Variants in MAGI1 observed in about 807,000 individuals in gnomAD.
MAGI1 encodes membrane-associated guanylate kinase, WW and PDZ domain-containing protein 1.
In MAGI1, 58 loss-of-function variants were observed where a neutral mutation model predicts 139.9. The observed-to-expected ratio is 0.41, with a 90% confidence interval of 0.34 to 0.52. The LOEUF is 0.52. Among genes scored for constraint, MAGI1 ranks in the 20% least tolerant of loss-of-function variants. MAGI1 has a pLI of 0.12. For synonymous variants in MAGI1, 812 were observed against 737.9 expected, an observed-to-expected ratio of 1.10 and a Z score of -1.63; for missense variants, 1,874 against 1,901.6, an observed-to-expected ratio of 0.99 and a Z score of 0.27.
chr3:65,502,334 T>C (rs1326142401), intron 2 of MAGI1, among the ~76,000 whole-genome samples: 3 of 152,166 alleles, frequency 2.0e-5, no homozygotes, highest in Non-Finnish European at 4.4e-5. Flanking sequence ...CAAAAGGGGA[T>C]TGACAAACAT....
intron 1 of MAGI1, among the ~76,000 whole-genome samples, chr3:65,855,770 C>T (rs1014409450): frequency 6.6e-6 from 1 of 151,240 alleles, no homozygotes; most frequent in East Asian, 2.0e-4. Flanking sequence ...GCCCATTAAC[C>T]CCCATAGATA....
At chr3:65,963,661 G>A (rs1481868843) in intron 1 of MAGI1, among the ~76,000 whole-genome samples, 5 of 152,004 alleles carry the variant, frequency 3.3e-5, no homozygotes, top group Non-Finnish European at 5.9e-5. Context: ...ATGTAGGATG[G>A]GCAGTTTGTA....
intron 1 of MAGI1, among the ~76,000 whole-genome samples, chr3:65,642,906 A>C (rs1159485324): frequency 6.6e-6 from 1 of 152,190 alleles, no homozygotes; most frequent in East Asian, 1.9e-4. Flanking sequence ...TGAGGGTCTA[A>C]TGTTTTGAGT....
intron 1 of MAGI1, among the ~76,000 whole-genome samples, chr3:65,686,023 G>T (rs936255514): frequency 1.3e-5 from 2 of 151,888 alleles, no homozygotes; most frequent in Non-Finnish European, 2.9e-5. Flanking sequence ...TTCCCCAATT[G>T]CTAGGGAAAC....
chr3:65,752,535 A>G (rs1349231724), intron 1 of MAGI1, among the ~76,000 whole-genome samples: 5 of 152,242 alleles, frequency 3.3e-5, no homozygotes, highest in South Asian at 2.1e-4. Flanking sequence ...AATTACATCT[A>G]TAATCTCAGA....
intron 12 of MAGI1, among the ~76,000 whole-genome samples, chr3:65,425,222 C>A (rs1165063046): frequency 2.0e-5 from 3 of 151,736 alleles, no homozygotes; most frequent in African/African-American, 4.8e-5. Flanking sequence ...TGCTTCCCCA[C>A]CCAATTGCCA....
intron 2 of MAGI1, among the ~76,000 whole-genome samples, chr3:65,503,026 C>G (rs577211952): frequency 1.3e-5 from 2 of 152,110 alleles, no homozygotes; most frequent in Admixed American, 1.3e-4. Context: ...AAATGTGACT[C>G]AAATTGTTAG....
intron 1 of MAGI1, among the ~76,000 whole-genome samples, chr3:65,903,224 G>A (rs1374104232): frequency 1.3e-5 from 2 of 152,210 alleles, no homozygotes; most frequent in East Asian, 1.9e-4. Flanking sequence ...GAACTCCTGG[G>A]CTCAAACGAT....
intron 3 of MAGI1, among the ~76,000 whole-genome samples, chr3:65,486,986 C>T (rs951866683): frequency 2.6e-5 from 4 of 152,208 alleles, no homozygotes; most frequent in Admixed American, 1.3e-4. Flanking sequence ...ATAACCAATA[C>T]ATTAACAAAT....
At chr3:65,604,029 GATAC>G (rs2082612880) in intron 2 of MAGI1, among the ~76,000 whole-genome samples, 3 of 152,138 alleles carry the variant, frequency 2.0e-5, no homozygotes, top group African/African-American at 7.2e-5. Context: ...AATTTTGGGT[GATAC>G]ATTCACATTA....
In MAGI1 at chr3:65,429,856, T is replaced by G. The variant is rs758636836; in HGVS notation, c.1831A>C (p.Ser611Arg). The G allele has an allele frequency of 1.2e-6, 2 of 1,614,054 alleles. No homozygotes were observed. The highest frequency in any genetic ancestry group is 1.7e-6 in the Non-Finnish European group (2 of 1,179,968). ...TTTGAAGCCACGTCCGCTGGGCTGC[T>G]TGGCCTGGCATCCTTCATGCCATTG... Reference protein sequence around the residue: ...KVNGMKDARPSSPADVASNSS... With the variant: ...KVNGMKDARPRSPADVASNSS... Residue 611 changes from serine to arginine, a missense_variant, in exon 12 of 23, where the codon AGC (serine) becomes CGC (arginine). Around this residue, in one of 5 missense-constraint regions of MAGI1, gnomAD observed 482 missense variants for 509.6 expected, o/e 0.95. Transcript: ENST00000402939.
chr3:65,397,500 G>A (rs78491117), intron 13 of MAGI1, among the ~76,000 whole-genome samples: 7,916 of 152,000 alleles, frequency 0.052, 428 homozygotes, highest in African/African-American at 0.14. Flanking sequence ...CCACCATCCA[G>A]GGTCCTCTAT....
intron 2 of MAGI1, among the ~76,000 whole-genome samples, chr3:65,528,262 G>C (rs2078481487): frequency 2.0e-5 from 3 of 152,126 alleles, no homozygotes; most frequent in Non-Finnish European, 1.5e-5. Context: ...ATATAACATT[G>C]CAAAATTCAT....
intron 1 of MAGI1, among the ~76,000 whole-genome samples, chr3:65,735,171 T>C (rs1460464332): frequency 2.0e-5 from 3 of 152,178 alleles, no homozygotes; most frequent in Non-Finnish European, 4.4e-5. Flanking sequence ...GCTGTATTCC[T>C]AGCATTTAAT....
At chr3:65,886,739 G>A (rs1158242979) in intron 1 of MAGI1, among the ~76,000 whole-genome samples, 7 of 152,200 alleles carry the variant, frequency 4.6e-5, no homozygotes, top group Admixed American at 6.5e-5. Context: ...GCGTAGGACT[G>A]TTACATGGCT....
intron 1 of MAGI1, among the ~76,000 whole-genome samples, chr3:65,634,192 T>A (rs2084471694): frequency 6.6e-6 from 1 of 152,194 alleles, no homozygotes; most frequent in African/African-American, 2.4e-5. Context: ...GGAGTATGAC[T>A]GTCTGTGTTC....
At chr3:65,537,101 T>C (rs977188192) in intron 2 of MAGI1, among the ~76,000 whole-genome samples, 1 of 152,146 alleles carries the variant, frequency 6.6e-6, no homozygotes, top group Non-Finnish European at 1.5e-5. Flanking sequence ...TTACAATATA[T>C]CCCAACCTAC....
chr3:65,839,434 C>A (rs1459894796), intron 1 of MAGI1, among the ~76,000 whole-genome samples: 1 of 151,786 alleles, frequency 6.6e-6, no homozygotes, highest in Non-Finnish European at 1.5e-5. Context: ...TGTAAAACAG[C>A]CTCAAGCAGG....
At chr3:65,726,614 A>G (rs1386399301) in intron 1 of MAGI1, among the ~76,000 whole-genome samples, 1 of 152,144 alleles carries the variant, frequency 6.6e-6, no homozygotes, top group African/African-American at 2.4e-5. Flanking sequence ...AGAGAGAATT[A>G]TTGTCTTTTA....
Sources: allele counts gnomAD v4.1 joint callset (sites outside exome capture counted in the v4.1 genomes callset), GRCh38; gene constraint gnomAD v4.1.1; regional missense constraint gnomAD v4.1.1; transcripts MANE v1.5; gene names NCBI Gene and HGNC (gene_info 2026-07-23, HGNC 2026-07-21).